Variants in FARP1 observed in about 807,000 individuals in gnomAD.
FARP1 encodes the protein FERM, ARH/RhoGEF and pleckstrin domain protein 1.
In FARP1, 52 loss-of-function variants were observed where a neutral mutation model predicts 128.8. The ratio of observed to expected loss-of-function variants is 0.40; its 90% CI spans 0.32 to 0.51. The LOEUF (loss-of-function observed/expected upper bound fraction) is 0.51. Among genes scored for constraint, FARP1 ranks in the 20% least tolerant of loss-of-function variants. The pLI, the probability that FARP1 is intolerant of heterozygous loss-of-function variation, is 0.45. For synonymous variants in FARP1, 580 were observed against 551.8 expected, an observed-to-expected ratio of 1.05 and a Z score of -0.72; for missense variants, 1,333 against 1,367.9, an observed-to-expected ratio of 0.97 and a Z score of 0.40.
chr13:98,404,459 A>G (rs1457257081), intron 13 of FARP1: 1 of 152,222 alleles, frequency 6.6e-6, no homozygotes, highest in Non-Finnish European at 1.5e-5. Context: ...TCAGGAAGCT[A>G]CGTATTATTC....
intron 2 of FARP1, among the ~76,000 whole-genome samples, chr13:98,224,550 A>AG (rs1684864704): frequency 6.7e-6 from 1 of 149,674 alleles, no homozygotes; most frequent in Non-Finnish European, 1.5e-5. Flanking sequence ...AAAAAAGAAA[A>AG]AAAAAAAGAA....
chr13:98,440,736 C>T lies in FARP1; in HGVS notation c.2696C>T (p.Ser899Leu), dbSNP rs530179403. The change falls in exon 24 of 27, where the codon TCG becomes TTG. Residue 899 changes from serine (S) to leucine (L), a missense_variant. Around this residue, in one of 2 missense-constraint regions of FARP1, gnomAD observed 1,009 missense variants for 969.8 expected, o/e 1.04. Coordinates refer to ENST00000319562, the MANE Select transcript of FARP1 (RefSeq NM_005766.4). ...GATGACCTGAGCGCCTCGCGCACAT[C>T]GCTGGAGCGCCAGGCCCCGCACCGC... ...SEDDLSASRT[S>L]LERQAPHRGN... 18 of 1,613,370 alleles carry T rather than the reference C, an allele frequency of 1.1e-5. No individual in the cohort carries two copies. The highest frequency in any genetic ancestry group is 1.7e-5 in the Admixed American group (1 of 60,000).
chr13:98,287,262 G>C (rs192431765), intron 2 of FARP1, among the ~76,000 whole-genome samples: 1,548 of 107,354 alleles, frequency 0.014, 25 homozygotes, highest in Middle Eastern at 0.13. Flanking sequence ...ATGGAGTCTT[G>C]CTCTCTCTCC....
At chr13:98,293,930 T>G (rs1320674210) in intron 2 of FARP1, among the ~76,000 whole-genome samples, 1 of 152,156 alleles carries the variant, frequency 6.6e-6, no homozygotes, top group Non-Finnish European at 1.5e-5. Context: ...CAGATGTTTT[T>G]GGGATTGTAA....
chr13:98,362,905 A>C (rs575013118), intron 3 of FARP1, among the ~76,000 whole-genome samples: 1 of 152,192 alleles, frequency 6.6e-6, no homozygotes, highest in Admixed American at 6.5e-5. Flanking sequence ...CGTATCCATC[A>C]GTGCATTCCA....
At position 98,243,155 on chromosome 13, in the gene FARP1, A is replaced by G. The variant is rs539880701; in HGVS notation, c.171+29742A>G. On this transcript the variant is annotated intron_variant, in intron 2 of 26. Transcript: ENST00000319562. The stretch of plus-strand genomic sequence containing the variant: ...GTGATACTGTAAAATCAAACTAACA[A>G]TAAGGTGCCACAACGCCATAAAAAA... 3.7e-4 allele frequency among the ~76,000 whole-genome samples: 56 copies of G among 152,330 alleles called. 1 individual carries two copies. Among genetic ancestry groups the G allele is most frequent in the African/African-American group, 1.3e-3 (54 of 41,584 alleles).
intron 1 of FARP1, among the ~76,000 whole-genome samples, chr13:98,192,703 T>C (rs1160217129): frequency 2.0e-5 from 3 of 152,128 alleles, no homozygotes; most frequent in Non-Finnish European, 2.9e-5. Flanking sequence ...CTTGTTATTC[T>C]ACTTTCAAAA....
intron 4 of FARP1, among the ~76,000 whole-genome samples, chr13:98,367,758 T>C (rs756904719): frequency 1.3e-5 from 2 of 152,246 alleles, no homozygotes; most frequent in African/African-American, 2.4e-5. Flanking sequence ...ATGAATTGCA[T>C]AACTGATGTA....
chr13:98,197,413 C>G (rs1879626611), intron 1 of FARP1, among the ~76,000 whole-genome samples: 1 of 151,856 alleles, frequency 6.6e-6, no homozygotes, highest in Non-Finnish European at 1.5e-5. Flanking sequence ...TTGCAGTGAG[C>G]TGAGATCGCG....
At chr13:98,208,810 A>G (rs1319956410) in intron 1 of FARP1, among the ~76,000 whole-genome samples, 1 of 152,136 alleles carries the variant, frequency 6.6e-6, no homozygotes. Context: ...TGCTGACCTC[A>G]GGGCCAGCCC....
At chr13:98,335,560 TG>T (rs775438802) in intron 2 of FARP1, among the ~76,000 whole-genome samples, 1 of 152,180 alleles carries the variant, frequency 6.6e-6, no homozygotes, top group Non-Finnish European at 1.5e-5. Context: ...AGATGAGATT[TG>T]GGTGGGGACA....
chr13:98,173,894 G>A (rs1877816442), intron 1 of FARP1, among the ~76,000 whole-genome samples: 1 of 152,206 alleles, frequency 6.6e-6, no homozygotes, highest in African/African-American at 2.4e-5. Context: ...GCTGATGGGG[G>A]ACTGTCCTCA....
intron 16 of FARP1, among the ~76,000 whole-genome samples, chr13:98,415,084 C>T (rs1197752753): frequency 6.6e-6 from 1 of 152,184 alleles, no homozygotes; most frequent in Non-Finnish European, 1.5e-5. Context: ...CAGGGGTGCT[C>T]CAGCAGAAAC....
rs55859311 is a variant in FARP1 at position 98,360,090 on chromosome 13, C to CTTT, written c.277-5283_277-5281dup. Among the ~76,000 whole-genome samples the CTTT allele has an allele frequency of 4.7e-3, 490 of 104,570 alleles. 5 individuals carry two copies. Among genetic ancestry groups the CTTT allele is most frequent in the African/African-American group, 8.9e-3 (224 of 25,148 alleles). The allele number at this position is 104,570 out of a possible 152,430, so 68.6% of individuals were successfully genotyped here. A position where few individuals can be genotyped will look rare whatever the true frequency, so the allele number is the denominator to read the frequency against. On this transcript the variant is annotated intron_variant, in intron 3 of 26. Transcript: ENST00000319562. Reference sequence around the variant, plus strand: ...GTGAGTGTATTCAGAGATTGTGTTGCTTTTTTTTTTTTTTTTTTTTTTTTG... The same window carrying CTTT: ...GTGAGTGTATTCAGAGATTGTGTTGCTTTTTTTTTTTTTTTTTTTTTTTTTTTG...
chr13:98,204,606 T>C lies in FARP1; in HGVS notation c.-23-8614T>C, dbSNP rs554424174. Among the ~76,000 whole-genome samples the C allele has an allele frequency of 2.6e-5, 4 of 152,344 alleles. No individual in the cohort carries two copies. The East Asian group carries it at 5.8e-4, about 22-fold the overall frequency. ...CCTTTTGTTTTGCTGAAGTTTATCC[T>C]TTAGTAGTTTTTTTGAGAAGGGATT... On this transcript the variant is annotated intron_variant, in intron 1 of 26. Coordinates refer to ENST00000319562, the MANE Select transcript of FARP1 (RefSeq NM_005766.4).
chr13:98,358,729 A>G (rs1888739993), intron 3 of FARP1, among the ~76,000 whole-genome samples: 1 of 151,936 alleles, frequency 6.6e-6, no homozygotes, highest in Non-Finnish European at 1.5e-5. Flanking sequence ...TCCGCCTCGC[A>G]GGTTCAAGTG....
At chr13:98,169,650 T>A (rs988670899) in intron 1 of FARP1, among the ~76,000 whole-genome samples, 1 of 152,256 alleles carries the variant, frequency 6.6e-6, no homozygotes, top group African/African-American at 2.4e-5. Flanking sequence ...TGGAAACTAC[T>A]ATCCTTGAAA....
chr13:98,292,468 A>G (rs1885492612), intron 2 of FARP1, among the ~76,000 whole-genome samples: 1 of 152,242 alleles, frequency 6.6e-6, no homozygotes. Context: ...TAAATGTAGT[A>G]TCTCATGGCC....
intron 2 of FARP1, among the ~76,000 whole-genome samples, chr13:98,214,876 G>A (rs1408791316): frequency 3.3e-5 from 5 of 152,178 alleles, no homozygotes; most frequent in Non-Finnish European, 7.3e-5. Flanking sequence ...TGGTCCGTAT[G>A]TGCGCCACCT....
Sources: gnomAD v4.1 joint callset for allele counts (sites outside exome capture counted in the v4.1 genomes callset) on GRCh38, gnomAD v4.1.1 for gene constraint, gnomAD v4.1.1 regional missense constraint, MANE v1.5 for transcripts, NCBI Gene and HGNC (gene_info 2026-07-23, HGNC 2026-07-21) for gene names.